Variants in CEP43 observed in about 807,000 individuals in gnomAD.
The protein encoded by CEP43 is centrosomal protein 43, also known as FGFR1 oncogene partner.
In CEP43, 36 loss-of-function variants were observed where a neutral mutation model predicts 52.6. That is an observed-to-expected ratio of 0.68 (90% CI 0.52 to 0.90). The LOEUF is 0.90. Among genes scored for constraint, CEP43 ranks in the 40% least tolerant of loss-of-function variants. CEP43 has a pLI of 0.00. For missense variants in CEP43, 506 were observed against 472.8 expected (o/e 1.07, Z -0.65); for synonymous variants, 192 against 172.4 (o/e 1.11, Z -0.89).
intron 12 of CEP43, among the ~76,000 whole-genome samples, chr6:167,037,923 G>A (rs1179939989): frequency 6.6e-6 from 1 of 152,140 alleles, no homozygotes; most frequent in Non-Finnish European, 1.5e-5. Flanking sequence ...GTGTGGGTGT[G>A]GCTGTGACTG....
rs1780361655 is a variant in CEP43, at chr6:167,026,619, A to C, written c.988+4A>C. 6.5e-7 allele frequency: 1 copy of C among 1,549,824 alleles called. No homozygotes were observed. On this transcript the variant is annotated splice_donor_region_variant and intron_variant, in intron 10 of 12. Coordinates refer to ENST00000366847, the MANE Select transcript of CEP43 (RefSeq NM_007045.4). Reference sequence around the variant, plus strand: ...AAAATTGGATCACTTGGATTAGGTAATTAGATTTCTAGTTTTTGTGCTGAT... The same window carrying C: ...AAAATTGGATCACTTGGATTAGGTACTTAGATTTCTAGTTTTTGTGCTGAT...
Position 167,040,631 on chromosome 6 carries a change from A to G in CEP43, c.*653A>G, listed in dbSNP as rs1277752193. On this transcript the variant is annotated 3_prime_UTR_variant, in exon 13 of 13. Coordinates refer to ENST00000366847, the MANE Select transcript of CEP43 (RefSeq NM_007045.4). ...TAGAAGTGGTTATGAGTTTTAATTCATAGAATTGTCAATAACATAACATTT... is the reference window on the plus strand; with the variant it reads ...TAGAAGTGGTTATGAGTTTTAATTCGTAGAATTGTCAATAACATAACATTT... The G allele has an allele frequency of 1.9e-6, 2 of 1,033,766 alleles. No homozygotes were observed. The highest frequency in any genetic ancestry group is 4.5e-5 in the South Asian group (1 of 22,462). 64.0% of individuals were successfully genotyped at this position (1,033,766 alleles called of 1,614,324 possible). A position where few individuals can be genotyped will look rare whatever the true frequency, so the allele number is the denominator to read the frequency against.
chr6:167,016,123 TA>T (rs1780092998), intron 7 of CEP43, among the ~76,000 whole-genome samples: 1 of 152,126 alleles, frequency 6.6e-6, no homozygotes, highest in African/African-American at 2.4e-5. Flanking sequence ...CCTACTAGCT[TA>T]GGTTTTTACC....
intron 10 of CEP43, chr6:167,028,157 T>A: frequency 1.0e-6 from 1 of 985,458 alleles, no homozygotes; most frequent in Non-Finnish European, 1.2e-6. Context: ...GTGTTCTGTT[T>A]TTTTCACTTT....
chr6:167,007,623 T>G lies in CEP43; in HGVS notation c.439-3190T>G, dbSNP rs956226572. Among the ~76,000 whole-genome samples the G allele has an allele frequency of 1.5e-4, 23 of 152,238 alleles. 1 individual carries two copies. The highest frequency in any genetic ancestry group is 1.4e-3 in the Admixed American group (22 of 15,286). ...TCTATTACTTTGGAAGAAAACCTGT[T>G]GTTTATAATGAAATAAAAAATTAGA... On this transcript the variant is annotated intron_variant, in intron 5 of 12. Coordinates refer to ENST00000366847, the MANE Select transcript of CEP43 (RefSeq NM_007045.4).
intron 5 of CEP43, among the ~76,000 whole-genome samples, chr6:167,008,150 T>C (rs1453312468): frequency 6.6e-6 from 1 of 152,108 alleles, no homozygotes. Flanking sequence ...TGTGGAACCT[T>C]GTACTTAAGT....
chr6:167,028,226 C>G, intron 10 of CEP43: 1 of 985,416 alleles, frequency 1.0e-6, no homozygotes, highest in Non-Finnish European at 1.2e-6. Flanking sequence ...GCTCTATTCT[C>G]TTACCAAAGC....
chr6:167,002,722 T>G (rs536717463), intron 2 of CEP43, among the ~76,000 whole-genome samples: 88 of 152,330 alleles, frequency 5.8e-4, no homozygotes, highest in African/African-American at 2.0e-3. Flanking sequence ...CCATACTTAT[T>G]CAAATAAATG....
chr6:167,022,170 C>T (rs567709091), intron 7 of CEP43, among the ~76,000 whole-genome samples: 67 of 151,514 alleles, frequency 4.4e-4, no homozygotes, highest in African/African-American at 1.6e-3. Context: ...TATTTTTCCC[C>T]CTTTGAAAGT....
rs1176654826 is a variant in CEP43, at chr6:167,041,383, C to T, written c.*1405C>T. On this transcript the variant is annotated 3_prime_UTR_variant, in exon 13 of 13. Transcript: ENST00000366847. ...AAGTAGGACATAAACTGGGCCGGTA[C>T]AGCCTGGGAGCCCTGTGTATTTCTG... is the stretch of plus-strand genomic sequence containing the variant. The T allele has an allele frequency of 1.9e-6, 2 of 1,060,662 alleles. No homozygotes were observed. Among genetic ancestry groups the T allele is most frequent in the African/African-American group, 1.6e-5 (1 of 60,808 alleles). The allele number at this position is 1,060,662 out of a possible 1,614,324, so 65.7% of individuals were successfully genotyped here. A position where few individuals can be genotyped will look rare whatever the true frequency, so the allele number is the denominator to read the frequency against.
At chr6:167,002,417 A>G (rs1269551818) in intron 2 of CEP43, among the ~76,000 whole-genome samples, 1 of 152,238 alleles carries the variant, frequency 6.6e-6, no homozygotes, top group East Asian at 1.9e-4. Context: ...GAGTATTACA[A>G]ATAAGGTTTC....
intron 7 of CEP43, among the ~76,000 whole-genome samples, chr6:167,014,525 C>T (rs949087389): frequency 1.1e-4 from 16 of 152,194 alleles, no homozygotes; most frequent in African/African-American, 3.9e-4. Context: ...ATTTTCAGTT[C>T]TGTGAGATTC....
At chr6:167,031,844 G>T (rs1257907173) in intron 10 of CEP43, among the ~76,000 whole-genome samples, 1 of 152,160 alleles carries the variant, frequency 6.6e-6, no homozygotes, top group East Asian at 1.9e-4. Context: ...TTGCAAATTT[G>T]TCCTTTATAG....
intron 12 of CEP43, among the ~76,000 whole-genome samples, chr6:167,034,809 T>G (rs1364864498): frequency 6.6e-6 from 1 of 152,268 alleles, no homozygotes; most frequent in Non-Finnish European, 1.5e-5. Context: ...AAGATGGAAG[T>G]ATTAATACCT....
intron 7 of CEP43, among the ~76,000 whole-genome samples, chr6:167,019,841 G>A (rs1322251839): frequency 6.6e-6 from 1 of 152,052 alleles, no homozygotes; most frequent in Admixed American, 6.6e-5. Context: ...CATTGGCAGT[G>A]TGAATTCTTG....
At position 167,049,571 on chromosome 6, in the gene CEP43, C is replaced by G. The variant is rs967213369; in HGVS notation, c.*9593C>G. On this transcript the variant is annotated 3_prime_UTR_variant, in exon 13 of 13. Coordinates refer to ENST00000366847, the MANE Select transcript of CEP43 (RefSeq NM_007045.4). ...CATTTATTTTTGTTTCCTAACAATACTCCATTGTAGGGATTGACCACACTT... is the reference window on the plus strand; with the variant it reads ...CATTTATTTTTGTTTCCTAACAATAGTCCATTGTAGGGATTGACCACACTT... The G allele has an allele frequency of 6.6e-6, 1 of 152,222 alleles. No individual in the cohort carries two copies. Among genetic ancestry groups the G allele is most frequent in the East Asian group, 1.9e-4 (1 of 5,204 alleles). The allele number at this position is 152,222 out of a possible 1,614,324, so 9.4% of individuals were successfully genotyped here. A position where few individuals can be genotyped will look rare whatever the true frequency, so the allele number is the denominator to read the frequency against.
At chr6:167,001,559 C>T (rs930932653) in intron 2 of CEP43, among the ~76,000 whole-genome samples, 2 of 152,162 alleles carry the variant, frequency 1.3e-5, no homozygotes, top group African/African-American at 2.4e-5. Context: ...TAACTCCAGC[C>T]CTGTAACTTT....
chr6:167,035,533 C>A lies in CEP43; in HGVS notation c.1125+1562C>A, dbSNP rs1421803522. 4.0e-5 allele frequency among the ~76,000 whole-genome samples: 6 copies of A among 151,770 alleles called. No homozygotes were observed. In the South Asian group the frequency reaches 1.3e-3, roughly 32 times the overall value. On this transcript the variant is annotated intron_variant, in intron 12 of 12. Coordinates refer to ENST00000366847, the MANE Select transcript of CEP43 (RefSeq NM_007045.4). ...GTTTGAGTTCTGGAGCTGCTACTTA[C>A]CACTCACAAATTTGGCCAAGTTATT...
intron 7 of CEP43, among the ~76,000 whole-genome samples, chr6:167,014,247 G>A (rs548038792): frequency 1.3e-5 from 2 of 152,198 alleles, no homozygotes; most frequent in Admixed American, 6.5e-5. Flanking sequence ...AAAATTAAAC[G>A]TATTTCCTCC....
Sources: gnomAD v4.1 joint callset for allele counts (sites outside exome capture counted in the v4.1 genomes callset) on GRCh38, gnomAD v4.1.1 for gene constraint, MANE v1.5 for transcripts, NCBI Gene and HGNC (gene_info 2026-07-23, HGNC 2026-07-21) for gene names.